EVC: variants seen among roughly 807,000 people sequenced by gnomAD.
The protein encoded by EVC is evC complex member EVC.
In EVC, 116 loss-of-function variants were observed where a neutral mutation model predicts 118.9. That is an observed-to-expected ratio of 0.98 (90% CI 0.84 to 1.14). The LOEUF (loss-of-function observed/expected upper bound fraction) is 1.14. EVC is among the 50% of genes most tolerant of loss of function. The probability of loss-of-function intolerance (pLI) is 0.00; values close to 1 mark genes in which losing one functional copy is unlikely to be tolerated. For missense variants in EVC, 1,401 were observed against 1,246.4 expected (o/e 1.12, Z -1.87); for synonymous variants, 619 against 534.7 (o/e 1.16, Z -2.18).
chr4:5,736,523 T>C (rs2151964572), intron 5 of EVC, among the ~76,000 whole-genome samples: 1 of 152,038 alleles, frequency 6.6e-6, no homozygotes, highest in Admixed American at 6.5e-5. Context: ...TTTTTTTTTT[T>C]TTACAAATTG....
chr4:5,827,733 G>GCGCACACACACACA, the EVC span, among the ~76,000 whole-genome samples: 1 of 138,276 alleles, frequency 7.2e-6, no homozygotes, highest in African/African-American at 2.9e-5. Flanking sequence ...ATGTGCGCGT[G>GCGCACACACACACA]CACACACACA....
Position 5,812,312 on chromosome 4 carries a change from C to T in EVC, c.*1275C>T, listed in dbSNP as rs552014651. ...TCCCACCGGGAGAGAAACTTCCAGA[C>T]CAGCCCTCTCACTACAGCCAGAAGA... On this transcript the variant is annotated 3_prime_UTR_variant, in exon 21 of 21. Transcript: ENST00000264956. The T allele has an allele frequency of 1.2e-5, 2 of 160,442 alleles. No individual in the cohort carries two copies. Among genetic ancestry groups the T allele is most frequent in the Non-Finnish European group, 2.7e-5 (2 of 75,450 alleles). The allele number at this position is 160,442 out of a possible 1,614,324, so 9.9% of individuals were successfully genotyped here.
rs1387793105 is a variant in EVC, at chr4:5,754,985, G to C, written c.1464+1052G>C. Among the ~76,000 whole-genome samples, 1 of 151,980 alleles carries C rather than the reference G, an allele frequency of 6.6e-6. No homozygotes were observed. The highest frequency in any genetic ancestry group is 2.4e-5 in the African/African-American group (1 of 41,382). ...GGCTCTCCCTGGGGGCCAAGCTGGT[G>C]GTGGTGGCACCACTGCAGTGAGAAG... On this transcript the variant is annotated intron_variant, in intron 10 of 20. Transcript: ENST00000264956. This position sits in a 1 kb window ranked among gnomAD's most constrained non-coding sequence, Gnocchi z 5.8.
chr4:5,783,925 A>G (rs1418832521), intron 12 of EVC, among the ~76,000 whole-genome samples, 161 bp downstream of exon 12: 1 of 152,176 alleles, frequency 6.6e-6, no homozygotes, highest in Non-Finnish European at 1.5e-5. Context: ...CAGGGGTGGG[A>G]TGAGAGAGCA....
chr4:5,749,230 C>T lies in EVC; in HGVS notation c.1098+924C>T, dbSNP rs1729969795. On this transcript the variant is annotated intron_variant, in intron 8 of 20. Transcript: ENST00000264956. The surrounding 1 kb of genome is among the most constrained non-coding windows in gnomAD (Gnocchi z 4.4). ...CTGACGGGAGGCCAGGGATACAAAC[C>T]CCTGGTGCATGGGTGTCCAACCTTT... Among the ~76,000 whole-genome samples, 1 of 151,876 alleles carries T rather than the reference C, an allele frequency of 6.6e-6. No individual in the cohort carries two copies. The highest frequency in any genetic ancestry group is 2.4e-5 in the African/African-American group (1 of 41,308).
intron 11 of EVC, among the ~76,000 whole-genome samples, chr4:5,766,851 T>G (rs1032389875): frequency 7.9e-5 from 12 of 151,664 alleles, no homozygotes; most frequent in South Asian, 2.1e-4. Flanking sequence ...TGGTTTGAAT[T>G]TCCTCCTGTA....
At position 5,719,175 on chromosome 4, in the gene EVC, C is replaced by T. The variant is rs964043697; in HGVS notation, c.175-73C>T. On this transcript the variant is annotated intron_variant, in intron 1 of 20. Transcript: ENST00000264956. This position sits in a 1 kb window ranked among gnomAD's most constrained non-coding sequence, Gnocchi z 4.7. ...TGGGGGAGTTGACTGGCAAAAGTCA[C>T]GGTGGGGACCAGGCCGACTGACCTC... 8.7e-6 allele frequency: 14 copies of T among 1,601,042 alleles called. No individual in the cohort carries two copies. The East Asian group carries it at 1.3e-4, about 15-fold the overall frequency.
At chr4:5,818,732 G>T (rs1340358044), downstream of EVC, among the ~76,000 whole-genome samples, 2 of 152,084 alleles carry the variant, frequency 1.3e-5, no homozygotes, top group Non-Finnish European at 2.9e-5. Flanking sequence ...CAGCAAGAAG[G>T]CTCTCACCAA....
At chr4:5,714,947 G>A (rs183086444) in intron 1 of EVC, among the ~76,000 whole-genome samples, 1 of 150,622 alleles carries the variant, frequency 6.6e-6, no homozygotes, top group East Asian at 2.0e-4. Context: ...TGGGACTACA[G>A]GCTTGCACCA....
At chr4:5,747,599 T>A (rs1729563005) in intron 7 of EVC, among the ~76,000 whole-genome samples, 1 of 152,204 alleles carries the variant, frequency 6.6e-6, no homozygotes. Flanking sequence ...TTAAACCTCC[T>A]GCATTCTAAG....
chr4:5,763,513 T>C (rs1404275974), intron 11 of EVC, among the ~76,000 whole-genome samples: 1 of 145,488 alleles, frequency 6.9e-6, no homozygotes, highest in Non-Finnish European at 1.5e-5. Context: ...TTTCACGATA[T>C]TGATTCTTCC....
intron 14 of EVC, 78 bp downstream of exon 14, chr4:5,797,310 C>T: frequency 8.1e-7 from 1 of 1,235,474 alleles, no homozygotes; most frequent in South Asian, 1.3e-5. Flanking sequence ...AGCAGGTTTG[C>T]CAGAACCCGA....
intron 12 of EVC, among the ~76,000 whole-genome samples, chr4:5,790,538 G>T (rs184039584): frequency 3.9e-5 from 6 of 152,282 alleles, no homozygotes; most frequent in Non-Finnish European, 1.5e-5. Context: ...TTGTAGCATG[G>T]TCTTGCTGAC....
chr4:5,816,617 T>C (rs12649303), downstream of EVC, among the ~76,000 whole-genome samples: 57,844 of 135,810 alleles, frequency 0.43, 12,503 homozygotes, highest in South Asian at 0.47. Flanking sequence ...CCTCTGTCCT[T>C]CTTTTCTCCC....
intron 5 of EVC, among the ~76,000 whole-genome samples, chr4:5,740,470 C>CAAAAAAAAAAAAAAAAAA (rs59318619): frequency 9.5e-6 from 1 of 105,588 alleles, no homozygotes; most frequent in African/African-American, 3.3e-5. Context: ...TACTCCATCT[C>CAAAAAAAAAAAAAAAAAA]AAAAAAAAAA....
chr4:5,711,784 G>A (rs1164083272), intron 1 of EVC, among the ~76,000 whole-genome samples: 2 of 152,214 alleles, frequency 1.3e-5, no homozygotes, highest in African/African-American at 2.4e-5. Flanking sequence ...ACTCCGTTGG[G>A]TGATCCTTGA....
chr4:5,801,395 T>G (rs1414034832), intron 15 of EVC, among the ~76,000 whole-genome samples: 1 of 152,052 alleles, frequency 6.6e-6, no homozygotes, highest in African/African-American at 2.4e-5. Flanking sequence ...ACGGAAGGCC[T>G]CGGCCGGGCG....
intron 13 of EVC, among the ~76,000 whole-genome samples, chr4:5,796,336 T>C (rs1560423490): frequency 6.6e-6 from 1 of 152,216 alleles, no homozygotes. Context: ...TGGGTATTTT[T>C]ATTGGATGAT....
intron 11 of EVC, among the ~76,000 whole-genome samples, chr4:5,764,739 G>A (rs1369352848): frequency 4.0e-4 from 58 of 144,624 alleles, no homozygotes; most frequent in South Asian, 1.2e-3. Flanking sequence ...CTGTGGGATC[G>A]GTGGTGATAT....
Sources: allele counts gnomAD v4.1 joint callset (sites outside exome capture counted in the v4.1 genomes callset), GRCh38; gene constraint gnomAD v4.1.1; non-coding constraint Gnocchi (gnomAD v3.1); transcripts MANE v1.5; gene names NCBI Gene and HGNC (gene_info 2026-07-23, HGNC 2026-07-21).